RABGAP1L: variants seen among roughly 807,000 people sequenced by gnomAD.
RABGAP1L encodes the protein RAB GTPase activating protein 1 like.
In RABGAP1L, 63 loss-of-function variants were observed where a neutral mutation model predicts 137.7. The observed-to-expected ratio is 0.46, with a 90% confidence interval of 0.37 to 0.56. The LOEUF (loss-of-function observed/expected upper bound fraction) is 0.56, where lower values mean the gene tolerates loss of function less well. Ranked by LOEUF, RABGAP1L falls within the 20% of genes least tolerant of loss-of-function variation. The pLI, the probability that RABGAP1L is intolerant of heterozygous loss-of-function variation, is 0.00. For missense variants in RABGAP1L, 1,095 were observed against 1,244.0 expected (o/e 0.88, Z 1.80); for synonymous variants, 431 against 433.7 (o/e 0.99, Z 0.08).
chr1:174,819,187 T>TTA (rs773995217), intron 19 of RABGAP1L, among the ~76,000 whole-genome samples: 2 of 44,840 alleles, frequency 4.5e-5, no homozygotes, highest in African/African-American at 1.7e-4. Context: ...TGCCTGTCTC[T>TTA]AAAAAAAAAA....
intron 17 of RABGAP1L, among the ~76,000 whole-genome samples, chr1:174,717,507 A>G (rs1430698403): frequency 6.6e-6 from 1 of 152,174 alleles, no homozygotes; most frequent in Non-Finnish European, 1.5e-5. Flanking sequence ...GTTCCCGTTA[A>G]ATAGAATCAA....
At chr1:174,276,445 T>C (rs905906933) in intron 9 of RABGAP1L, among the ~76,000 whole-genome samples, 3 of 152,166 alleles carry the variant, frequency 2.0e-5, no homozygotes, top group African/African-American at 7.2e-5. Flanking sequence ...GCACCTGGCC[T>C]GAATTAATTT....
intron 15 of RABGAP1L, among the ~76,000 whole-genome samples, chr1:174,698,797 G>A (rs1270989572): frequency 6.6e-6 from 1 of 151,718 alleles, no homozygotes; most frequent in Non-Finnish European, 1.5e-5. Context: ...TGTGGGATGG[G>A]ACAAAATAAA....
At chr1:174,362,376 G>A (rs1325901410) in intron 11 of RABGAP1L, among the ~76,000 whole-genome samples, 2 of 152,210 alleles carry the variant, frequency 1.3e-5, no homozygotes, top group Non-Finnish European at 1.5e-5. Context: ...CACAAAGGCA[G>A]AACTAACTTA....
intron 13 of RABGAP1L, among the ~76,000 whole-genome samples, chr1:174,464,427 C>T (rs765161629): frequency 2.4e-4 from 36 of 152,168 alleles, no homozygotes; most frequent in Admixed American, 5.9e-4. Context: ...TACCTTTTCT[C>T]CAGGAGCATA....
At chr1:174,605,813 C>CT (rs1670749009) in intron 13 of RABGAP1L, among the ~76,000 whole-genome samples, 1 of 152,176 alleles carries the variant, frequency 6.6e-6, no homozygotes, top group African/African-American at 2.4e-5. Flanking sequence ...CCACTGCAGG[C>CT]TTCATCTTTA....
intron 19 of RABGAP1L, among the ~76,000 whole-genome samples, chr1:174,822,370 T>C (rs1420358330): frequency 1.3e-5 from 2 of 152,226 alleles, no homozygotes; most frequent in African/African-American, 2.4e-5. Context: ...CACCTTAGAT[T>C]GGGGTATTGT....
At chr1:174,788,428 GTA>G (rs1489457493) in intron 18 of RABGAP1L, among the ~76,000 whole-genome samples, 3 of 152,086 alleles carry the variant, frequency 2.0e-5, no homozygotes, top group Non-Finnish European at 4.4e-5. Flanking sequence ...CACTGAAGAG[GTA>G]TTTCTTCTTT....
intron 18 of RABGAP1L, among the ~76,000 whole-genome samples, chr1:174,797,809 T>G (rs1371820550): frequency 6.6e-6 from 1 of 151,988 alleles, no homozygotes; most frequent in Non-Finnish European, 1.5e-5. Context: ...CTCTTCCAGC[T>G]GAACCTATCC....
intron 13 of RABGAP1L, among the ~76,000 whole-genome samples, chr1:174,617,213 C>T (rs1671970478): frequency 6.6e-6 from 1 of 152,098 alleles, no homozygotes; most frequent in African/African-American, 2.4e-5. Context: ...TGGCTTTATT[C>T]TAAAAGGGAT....
At chr1:174,747,510 G>A (rs1159480049) in intron 17 of RABGAP1L, among the ~76,000 whole-genome samples, 1 of 150,190 alleles carries the variant, frequency 6.7e-6, no homozygotes, top group East Asian at 1.9e-4. Flanking sequence ...TAGCCACTCT[G>A]TTCTACTTTA....
At chr1:174,942,186 A>G (rs905282194) in intron 19 of RABGAP1L, among the ~76,000 whole-genome samples, 10 of 152,242 alleles carry the variant, frequency 6.6e-5, no homozygotes, top group Non-Finnish European at 1.5e-4. Context: ...ACTGGGACTG[A>G]TGTCAACAGC....
chr1:174,196,258 C>T (rs1401385856), intron 1 of RABGAP1L, among the ~76,000 whole-genome samples: 1 of 145,078 alleles, frequency 6.9e-6, no homozygotes, highest in Non-Finnish European at 1.5e-5. Context: ...GAGTCTTGCT[C>T]TGTCGCCCAG....
intron 20 of RABGAP1L, among the ~76,000 whole-genome samples, chr1:174,963,585 C>G (rs180876248): frequency 4.6e-5 from 7 of 151,478 alleles, no homozygotes; most frequent in African/African-American, 1.7e-4. Context: ...TTACCTGACA[C>G]TAATATGTTT....
At position 174,169,535 on chromosome 1, in the gene RABGAP1L, T is replaced by A. The variant is rs868161874; in HGVS notation, c.-34+9878T>A. On this transcript the variant is annotated intron_variant, in intron 1 of 25. Coordinates refer to ENST00000681986, the MANE Select transcript of RABGAP1L (RefSeq NM_001366446.1). ...GTGCCTGGCCCAGATAAAGTTTTTT[T>A]AAAAGATAATCTAGTAATAGTAGGA... Among the ~76,000 whole-genome samples the A allele has an allele frequency of 1.1e-4, 17 of 152,312 alleles. 1 individual carries two copies. The highest frequency in any genetic ancestry group is 6.2e-4 in the South Asian group (3 of 4,832).
At chr1:174,972,711 A>C (rs562899097) in intron 21 of RABGAP1L, among the ~76,000 whole-genome samples, 8 of 151,972 alleles carry the variant, frequency 5.3e-5, no homozygotes, top group Non-Finnish European at 1.0e-4. Flanking sequence ...AAAATTAGCC[A>C]GGTGTGGCGG....
At chr1:174,712,400 C>T (rs1014336379) in intron 17 of RABGAP1L, among the ~76,000 whole-genome samples, 1 of 152,136 alleles carries the variant, frequency 6.6e-6, no homozygotes, top group Middle Eastern at 3.4e-3. Flanking sequence ...CTGGGAGGGA[C>T]GAACAACTCC....
Position 174,231,250 on chromosome 1 carries a change from G to C in RABGAP1L, c.437G>C (p.Arg146Pro), listed in dbSNP as rs201323511. ...YLGCMKVSSP[R>P]NEVEALRAMA... ...GGATGTATGAAGGTTTCTTCCCCACGTAATGAAGTAGAGGCTTTACGGGCA... is the reference window on the plus strand; with the variant it reads ...GGATGTATGAAGGTTTCTTCCCCACCTAATGAAGTAGAGGCTTTACGGGCA... Residue 146 changes from arginine to proline, a missense_variant, in exon 4 of 26, where the codon CGT becomes CCT. Physicochemically the swap from Arg to Pro is moderately radical, Grantham distance 103. Transcript: ENST00000681986. 6.2e-7 allele frequency: 1 copy of C among 1,613,948 alleles called. No homozygotes were observed. Among genetic ancestry groups the C allele is most frequent in the East Asian group, 2.2e-5 (1 of 44,870 alleles).
At chr1:174,646,072 A>T (rs1475802830) in intron 14 of RABGAP1L, among the ~76,000 whole-genome samples, 1 of 151,854 alleles carries the variant, frequency 6.6e-6, no homozygotes, top group Non-Finnish European at 1.5e-5. Flanking sequence ...TTTTTCTTGT[A>T]AATTTGTTTA....
Sources: gnomAD v4.1 joint callset for allele counts (sites outside exome capture counted in the v4.1 genomes callset) on GRCh38, gnomAD v4.1.1 for gene constraint, MANE v1.5 for transcripts, NCBI Gene and HGNC (gene_info 2026-07-23, HGNC 2026-07-21) for gene names.